The following PON1 variants were observed in gnomAD, a reference collection of about 807,000 sequenced individuals.
PON1 encodes the protein paraoxonase 1.
In PON1, 37 loss-of-function variants were observed where a neutral mutation model predicts 39.2. That is an observed-to-expected ratio of 0.94 (90% CI 0.73 to 1.24). PON1 has a LOEUF of 1.24. PON1 is among the 50% of genes most tolerant of loss of function. The pLI is 0.00. For synonymous variants in PON1, 148 were observed against 152.2 expected (o/e 0.97, Z 0.21); for missense variants, 397 against 413.5 (o/e 0.96, Z 0.35).
intron 1 of PON1, among the ~76,000 whole-genome samples, chr7:95,320,016 T>C (rs777082135): frequency 2.0e-5 from 3 of 152,302 alleles, no homozygotes; most frequent in Non-Finnish European, 4.4e-5. Flanking sequence ...AGGGAAAGTG[T>C]AGTGAATATT....
chr7:95,313,656 G>GTGTGTC (rs1171041420), intron 4 of PON1, among the ~76,000 whole-genome samples: 13 of 142,180 alleles, frequency 9.1e-5, no homozygotes, highest in African/African-American at 3.3e-4. Context: ...GTGTGTGTGT[G>GTGTGTC]TCTCACATGG....
rs1250054301 is a variant in PON1 at position 95,297,966 on chromosome 7, T to TAGTC, written c.*974_*977dup. The TAGTC allele has an allele frequency of 6.6e-6, 1 of 152,222 alleles. No homozygotes were observed. Among genetic ancestry groups the TAGTC allele is most frequent in the African/African-American group, 2.4e-5 (1 of 41,466 alleles). 9.4% of individuals were successfully genotyped at this position (152,222 alleles called of 1,614,324 possible). ...AAATGATAAAGTCATGTTTTCTTCC[T>TAGTC]AGTCATGTCTCAGTAGATAGCCAAA... On this transcript the variant is annotated 3_prime_UTR_variant, in exon 9 of 9. Transcript: ENST00000222381.
rs575643067 is a variant in PON1, at chr7:95,311,207, A to G, written c.497+244T>C. On this transcript the variant is annotated intron_variant, in intron 5 of 8. Transcript: ENST00000222381. ...GATTTTTTTCCTGGTAATAACTTGA[A>G]TGGAGATCCTGAGGCCAGGAGCCAG... Among the ~76,000 whole-genome samples the G allele has an allele frequency of 8.5e-5, 13 of 152,280 alleles. No homozygotes were observed. In the East Asian group the frequency reaches 2.3e-3, roughly 27 times the overall value.
At chr7:95,305,216 T>C (rs1017776964) in intron 7 of PON1, among the ~76,000 whole-genome samples, 3 of 152,214 alleles carry the variant, frequency 2.0e-5, no homozygotes, top group Non-Finnish European at 4.4e-5. Context: ...CAGTGCTTCC[T>C]GCAGTGGGCG....
intron 8 of PON1, among the ~76,000 whole-genome samples, chr7:95,299,592 A>C (rs1807371087): frequency 6.6e-6 from 1 of 152,092 alleles, no homozygotes; most frequent in Non-Finnish European, 1.5e-5. Flanking sequence ...ATCAGCTGCC[A>C]GCGAATATAA....
chr7:95,306,160 A>G (rs903861980), intron 7 of PON1, 125 bp downstream of exon 7: 4 of 796,970 alleles, frequency 5.0e-6, no homozygotes, highest in Non-Finnish European at 8.8e-6. Context: ...GACTCTTAAT[A>G]AAGGAGTGAA....
intron 5 of PON1, among the ~76,000 whole-genome samples, chr7:95,309,930 C>T (rs189139688): frequency 1.4e-4 from 21 of 152,290 alleles, no homozygotes; most frequent in South Asian, 4.1e-4. Context: ...TAGTTAATTA[C>T]GGCACCGTGG....
In PON1 at chr7:95,298,543, G is replaced by A. The variant is rs910044265; in HGVS notation, c.*401C>T. 3.1e-5 allele frequency: 10 copies of A among 327,018 alleles called. No homozygotes were observed. Among genetic ancestry groups the A allele is most frequent in the Non-Finnish European group, 4.8e-5 (8 of 167,538 alleles). The allele number at this position is 327,018 out of a possible 1,614,324, so 20.3% of individuals were successfully genotyped here. On this transcript the variant is annotated 3_prime_UTR_variant, in exon 9 of 9. Coordinates refer to ENST00000222381, the MANE Select transcript of PON1 (RefSeq NM_000446.7). ...GTGAGTACTGGAGTTCTAAAGACAC[G>A]TGAGCTAACCCTGCTCCCCTGTGTC...
At chr7:95,323,223 T>A (rs1018201188) in intron 1 of PON1, among the ~76,000 whole-genome samples, 3 of 152,156 alleles carry the variant, frequency 2.0e-5, no homozygotes, top group Admixed American at 2.0e-4. Flanking sequence ...AAAATTTCCC[T>A]TCCTTCCTCT....
chr7:95,307,208 C>T (rs138428285), intron 6 of PON1, among the ~76,000 whole-genome samples: 18 of 151,960 alleles, frequency 1.2e-4, no homozygotes, highest in African/African-American at 3.4e-4. Context: ...TACAGGAGTG[C>T]GCCACCACGC....
intron 8 of PON1, among the ~76,000 whole-genome samples, chr7:95,300,846 A>G (rs1025617753): frequency 5.3e-5 from 8 of 152,324 alleles, no homozygotes; most frequent in African/African-American, 9.6e-5. Context: ...TCTATTAAAC[A>G]TACCATTCAG....
intron 1 of PON1, among the ~76,000 whole-genome samples, chr7:95,322,806 A>C: frequency 6.6e-6 from 1 of 150,840 alleles, no homozygotes; most frequent in African/African-American, 2.4e-5. Flanking sequence ...GTCTAGGGGA[A>C]CTCTCTCAGT....
chr7:95,313,599 G>A (rs1807700839), intron 4 of PON1, among the ~76,000 whole-genome samples: 1 of 145,680 alleles, frequency 6.9e-6, no homozygotes, highest in Non-Finnish European at 1.5e-5. Flanking sequence ...AAAGTCCATT[G>A]AAAGGGATAT....
chr7:95,298,622 C>T lies in PON1; in HGVS notation c.*322G>A, dbSNP rs1021798763. 2.5e-5 allele frequency: 10 copies of T among 402,014 alleles called. No individual in the cohort carries two copies. The highest frequency in any genetic ancestry group is 7.8e-4 in the Middle Eastern group (1 of 1,280). 24.9% of individuals were successfully genotyped at this position (402,014 alleles called of 1,614,324 possible). On this transcript the variant is annotated 3_prime_UTR_variant, in exon 9 of 9. Transcript: ENST00000222381. Reference sequence around the variant, plus strand: ...TACACACATGTGCTTCCAGGCAACACATGTTTTAGGGTAAGTACTTTTGGG... The same window carrying T: ...TACACACATGTGCTTCCAGGCAACATATGTTTTAGGGTAAGTACTTTTGGG...
chr7:95,317,596 AAGAAAAAG>A (rs1337835723), intron 2 of PON1, among the ~76,000 whole-genome samples: 9 of 147,570 alleles, frequency 6.1e-5, no homozygotes, highest in Non-Finnish European at 1.4e-4. Context: ...AAAAAAAAGA[AAGAAAAAG>A]AAACACCCAA....
intron 7 of PON1, 87 bp from the exon 8 acceptor site, chr7:95,302,420 C>G (rs1419832568): frequency 2.4e-6 from 3 of 1,260,388 alleles, no homozygotes; most frequent in Admixed American, 1.8e-5. Context: ...AAAGTTGCCT[C>G]TTGTCCTTGG....
At chr7:95,320,254 A>C (rs1807866553) in intron 1 of PON1, among the ~76,000 whole-genome samples, 1 of 152,238 alleles carries the variant, frequency 6.6e-6, no homozygotes, top group Non-Finnish European at 1.5e-5. Context: ...GTCACTAAAC[A>C]TATGGGTTCA....
intron 7 of PON1, among the ~76,000 whole-genome samples, chr7:95,304,849 G>A (rs558675202): frequency 6.6e-6 from 1 of 152,284 alleles, no homozygotes; most frequent in Admixed American, 6.5e-5. Context: ...TGGGAGACAG[G>A]CCTGGTCTGT....
At position 95,298,108 on chromosome 7, in the gene PON1, ACCT is replaced by A. The variant is rs1325921650; in HGVS notation, c.*833_*835del. The A allele has an allele frequency of 6.6e-6, 1 of 152,114 alleles. No individual in the cohort carries two copies. Among genetic ancestry groups the A allele is most frequent in the East Asian group, 1.9e-4 (1 of 5,182 alleles). 9.4% of individuals were successfully genotyped at this position (152,114 alleles called of 1,614,324 possible). A position where few individuals can be genotyped will look rare whatever the true frequency, so the allele number is the denominator to read the frequency against. On this transcript the variant is annotated 3_prime_UTR_variant, in exon 9 of 9. Transcript: ENST00000222381. ...ACAAAAACCCACCAGCACTACCACC[ACCT>A]CAACAACAGTGTAGTCTTTGGGGAC...
Sources: allele counts gnomAD v4.1 joint callset (sites outside exome capture counted in the v4.1 genomes callset), GRCh38; gene constraint gnomAD v4.1.1; transcripts MANE v1.5; gene names NCBI Gene and HGNC (gene_info 2026-07-23, HGNC 2026-07-21).